The following VASN variants were observed in gnomAD, a reference collection of about 807,000 sequenced individuals.
The protein encoded by VASN is vasorin, also known as protein slit-like 2.
Under a neutral mutation model 4.8 loss-of-function variants are expected in VASN, and 5 were observed. That is an observed-to-expected ratio of 1.03 (90% CI 0.54 to 2.17). The LOEUF is 2.17. Ranked by LOEUF, VASN falls within the 30% of genes most tolerant of loss-of-function variation. The probability of loss-of-function intolerance (pLI) is 0.01; values close to 1 mark genes in which losing one functional copy is unlikely to be tolerated. For missense variants in VASN, 927 were observed against 948.8 expected (o/e 0.98, Z 0.30); for synonymous variants, 499 against 460.8 (o/e 1.08, Z -1.06).
chr16:4,374,160 G>A (rs951356791), intron 1 of VASN, among the ~76,000 whole-genome samples: 6 of 151,084 alleles, frequency 4.0e-5, no homozygotes, highest in South Asian at 2.1e-4. Flanking sequence ...GTCTGTGTGC[G>A]CGTGACTGGA....
chr16:4,380,686 AGTGAGG>A (rs2054924267), intron 1 of VASN, among the ~76,000 whole-genome samples, 177 bp from the exon 2 acceptor site: 2 of 152,228 alleles, frequency 1.3e-5, no homozygotes, highest in Non-Finnish European at 2.9e-5. Context: ...AAGGTCACAC[AGTGAGG>A]GAGTGACGGG....
chr16:4,378,802 C>T (rs976165951), intron 1 of VASN, among the ~76,000 whole-genome samples: 1 of 151,906 alleles, frequency 6.6e-6, no homozygotes, highest in Non-Finnish European at 1.5e-5. Flanking sequence ...AGGGGGCACA[C>T]GACAGCAAGG....
At position 4,380,820 on chromosome 16, in the gene VASN, T is replaced by C. The variant is rs1444828403; in HGVS notation, c.-9-49T>C. On this transcript the variant is annotated intron_variant, in intron 1 of 1. Transcript: ENST00000304735. ...GGCTCTTCCTGGCGTGTCTGCCTTC[T>C]AGGCCCCTGACTCACAGTCTTCTGT... 70 of 1,427,274 alleles carry C rather than the reference T, an allele frequency of 4.9e-5. 1 individual carries two copies. Among genetic ancestry groups the C allele is most frequent in the Non-Finnish European group, 9.2e-7 (1 of 1,092,234 alleles). 88.4% of individuals were successfully genotyped at this position (1,427,274 alleles called of 1,614,324 possible). A position where few individuals can be genotyped will look rare whatever the true frequency, so the allele number is the denominator to read the frequency against.
chr16:4,377,142 C>G (rs113238055), intron 1 of VASN, among the ~76,000 whole-genome samples: 1 of 152,076 alleles, frequency 6.6e-6, no homozygotes, highest in Non-Finnish European at 1.5e-5. Context: ...GGAGCAAGGC[C>G]GGCAGCAGCA....
chr16:4,375,739 C>T (rs1042634751), intron 1 of VASN, among the ~76,000 whole-genome samples: 3 of 152,242 alleles, frequency 2.0e-5, no homozygotes, highest in African/African-American at 4.8e-5. Context: ...CGTCCTACCT[C>T]GGCCTCCCAA....
intron 1 of VASN, among the ~76,000 whole-genome samples, chr16:4,379,273 G>T (rs2054866694): frequency 6.6e-6 from 1 of 152,108 alleles, no homozygotes; most frequent in Non-Finnish European, 1.5e-5. Flanking sequence ...TCCTGGGGAT[G>T]GGCTGGCACC....
rs1371581098 is a variant in VASN, at chr16:4,373,524, C to T, written c.-10+1531C>T. On this transcript the variant is annotated intron_variant, in intron 1 of 1. Transcript: ENST00000304735. The stretch of plus-strand genomic sequence containing the variant: ...GAATGGGATTCAGCATAAGGAGCCT[C>T]TCAGACACTGCCCAGACCTGTGCTT... Among the ~76,000 whole-genome samples, 4 of 152,142 alleles carry T rather than the reference C, an allele frequency of 2.6e-5. No homozygotes were observed. In the East Asian group the frequency reaches 5.8e-4, roughly 22 times the overall value.
At chr16:4,378,631 T>G (rs1009954119) in intron 1 of VASN, among the ~76,000 whole-genome samples, 7 of 151,702 alleles carry the variant, frequency 4.6e-5, no homozygotes, top group South Asian at 2.1e-4. Context: ...CCCCCTGGGG[T>G]GGGCTGGCCG....
At chr16:4,379,423 T>G (rs938388662) in intron 1 of VASN, among the ~76,000 whole-genome samples, 1 of 152,040 alleles carries the variant, frequency 6.6e-6, no homozygotes, top group African/African-American at 2.4e-5. Context: ...AGCTAAGATC[T>G]GGAGCCTGGA....
At position 4,382,600 on chromosome 16, in the gene VASN, C is replaced by A. The variant is rs759451198; in HGVS notation, c.1723C>A (p.Pro575Thr). ...CACCCAGGCCCGCGAGGGCAACCTGCCGCTCCTCATTGCGCCCGCCCTGGC... is the reference window on the plus strand; with the variant it reads ...CACCCAGGCCCGCGAGGGCAACCTGACGCTCCTCATTGCGCCCGCCCTGGC... ...PVTQAREGNL[P>T]LLIAPALAAV... The change falls in exon 2 of 2, where the codon CCG (proline) becomes ACG (threonine). Residue 575 changes from proline (P) to threonine (T), a missense_variant. Transcript: ENST00000304735. 6.3e-7 allele frequency: 1 copy of A among 1,590,074 alleles called. No homozygotes were observed. The highest frequency in any genetic ancestry group is 1.1e-5 in the South Asian group (1 of 87,998).
At chr16:4,378,521 G>A (rs1282350059) in intron 1 of VASN, among the ~76,000 whole-genome samples, 2 of 152,166 alleles carry the variant, frequency 1.3e-5, no homozygotes, top group East Asian at 1.9e-4. Context: ...AGGCCAGGCC[G>A]CACCCGCCGT....
intron 1 of VASN, among the ~76,000 whole-genome samples, chr16:4,379,452 C>A (rs2054873211): frequency 1.3e-5 from 2 of 151,988 alleles, no homozygotes; most frequent in African/African-American, 4.8e-5. Flanking sequence ...TGGGAGCCCC[C>A]GCCCCCAGGG....
Position 4,382,788 on chromosome 16 carries a change from A to C in VASN, c.1911A>C (p.Ala637=). The C allele has an allele frequency of 6.3e-7, 1 of 1,584,164 alleles. No individual in the cohort carries two copies. The highest frequency in any genetic ancestry group is 8.6e-7 in the Non-Finnish European group (1 of 1,166,072). ...VKVPLEPGPK[A]TEGGGEALPS... is the part of the protein sequence containing the mutation. ...TCCCCTTGGAGCCAGGCCCGAAGGC[A>C]ACAGAGGGCGGTGGAGAGGCCCTGC... The change falls in exon 2 of 2, where the codon GCA becomes GCC. Residue 637 remains alanine (A), a synonymous_variant. Coordinates refer to ENST00000304735, the MANE Select transcript of VASN (RefSeq NM_138440.3).
intron 1 of VASN, among the ~76,000 whole-genome samples, chr16:4,380,234 G>C (rs1475124286): frequency 6.6e-6 from 1 of 152,140 alleles, no homozygotes; most frequent in East Asian, 1.9e-4. Flanking sequence ...ACCTGCCAAT[G>C]CCTGTGGCCT....
At chr16:4,372,480 G>A (rs2054570597) in intron 1 of VASN, among the ~76,000 whole-genome samples, 1 of 152,234 alleles carries the variant, frequency 6.6e-6, no homozygotes, top group African/African-American at 2.4e-5. Context: ...GCAGCCCTAG[G>A]GAGGGGCGGG....
chr16:4,383,286 G>A lies in VASN; in HGVS notation c.*387G>A, dbSNP rs570572289. On this transcript the variant is annotated 3_prime_UTR_variant, in exon 2 of 2. Coordinates refer to ENST00000304735, the MANE Select transcript of VASN (RefSeq NM_138440.3). Reference sequence around the variant, plus strand: ...CTCCCGGAAAGAGCAGAGGGAGAGCGGGTAGGCGGCTGTGTGACTCTAGTC... The same window carrying A: ...CTCCCGGAAAGAGCAGAGGGAGAGCAGGTAGGCGGCTGTGTGACTCTAGTC... 4.2e-6 allele frequency: 1 copy of A among 236,304 alleles called. No individual in the cohort carries two copies. Among genetic ancestry groups the A allele is most frequent in the Non-Finnish European group, 8.8e-6 (1 of 114,204 alleles). The allele number at this position is 236,304 out of a possible 1,614,324, so 14.6% of individuals were successfully genotyped here.
intron 1 of VASN, among the ~76,000 whole-genome samples, chr16:4,372,878 C>T (rs78621532): frequency 6.6e-6 from 1 of 152,284 alleles, no homozygotes; most frequent in Non-Finnish European, 1.5e-5. Context: ...CCATGCCTGC[C>T]TTTTGCACCA....
intron 1 of VASN, among the ~76,000 whole-genome samples, chr16:4,378,552 G>C (rs1356154753): frequency 6.6e-6 from 1 of 152,306 alleles, no homozygotes; most frequent in Non-Finnish European, 1.5e-5. Context: ...AGTGAGGGTG[G>C]AGCGGGTCCC....
Position 4,382,569 on chromosome 16 carries a change from C to G in VASN, c.1692C>G (p.Ala564=). ...HTPPAVHSNH[A]PVTQAREGNL... ...CCCCAGCCGTCCACTCCAACCACGC[C>G]CCAGTCACCCAGGCCCGCGAGGGCA... Residue 564 remains alanine (A), a synonymous_variant, in exon 2 of 2, where the codon GCC becomes GCG. Transcript: ENST00000304735. The G allele has an allele frequency of 6.3e-7, 1 of 1,593,654 alleles. No individual in the cohort carries two copies.
Sources: allele counts gnomAD v4.1 joint callset (sites outside exome capture counted in the v4.1 genomes callset), GRCh38; gene constraint gnomAD v4.1.1; transcripts MANE v1.5; gene names NCBI Gene and HGNC (gene_info 2026-07-23, HGNC 2026-07-21).